The following ADAM10 variants were observed in gnomAD, a reference collection of about 807,000 sequenced individuals.
ADAM10 encodes the protein ADAM metallopeptidase domain 10, also known as disintegrin and metalloproteinase domain-containing protein 10.
ADAM10 carries 17 observed loss-of-function variants against 90.1 expected under a neutral mutation model. That is an observed-to-expected ratio of 0.19 (90% CI 0.13 to 0.28). The LOEUF is 0.28. Among genes scored for constraint, ADAM10 ranks in the 10% least tolerant of loss-of-function variants. The pLI is 1.00. For synonymous variants in ADAM10, 310 were observed against 298.6 expected (o/e 1.04, Z -0.40); for missense variants, 610 against 914.3 (o/e 0.67, Z 4.29).
In ADAM10 at chr15:58,749,604, A is replaced by G. The variant is rs1595678813; in HGVS notation, c.-70T>C. The G allele has an allele frequency of 5.8e-6, 9 of 1,547,064 alleles. No individual in the cohort carries two copies. Among genetic ancestry groups the G allele is most frequent in the African/African-American group, 1.4e-5 (1 of 72,836 alleles). ...AGCAGCACATCGATCCGGAGGGAGAAGCTGAAGGGGCTTGGTCCGGAGCCT... is the reference window on the plus strand; with the variant it reads ...AGCAGCACATCGATCCGGAGGGAGAGGCTGAAGGGGCTTGGTCCGGAGCCT... On this transcript the variant is annotated 5_prime_UTR_variant, in exon 1 of 16. Coordinates refer to ENST00000260408, the MANE Select transcript of ADAM10 (RefSeq NM_001110.4).
chr15:58,624,272 G>A (rs570697283), intron 10 of ADAM10, among the ~76,000 whole-genome samples: 4 of 151,674 alleles, frequency 2.6e-5, no homozygotes, highest in African/African-American at 4.8e-5. Flanking sequence ...GTGACAGAGC[G>A]AGACTCTGTC....
intron 14 of ADAM10, among the ~76,000 whole-genome samples, chr15:58,608,909 A>C (rs191616687): frequency 6.6e-6 from 1 of 152,312 alleles, no homozygotes; most frequent in East Asian, 1.9e-4. Flanking sequence ...ATATATACTC[A>C]GTAGAATGTA....
intron 14 of ADAM10, among the ~76,000 whole-genome samples, chr15:58,603,327 G>A (rs1233940941): frequency 6.6e-6 from 1 of 152,168 alleles, no homozygotes; most frequent in Non-Finnish European, 1.5e-5. Context: ...GAGTAATGCA[G>A]AAAGTTTAGC....
rs1241026310 is a variant in ADAM10, at chr15:58,640,778, T to C, written c.1011A>G (p.Ser337=). 1.9e-6 allele frequency: 3 copies of C among 1,613,892 alleles called. No homozygotes were observed. The highest frequency in any genetic ancestry group is 2.2e-5 in the South Asian group (2 of 91,054). Residue 337 remains serine, a splice_region_variant and synonymous_variant, in exon 8 of 16, where the codon TCA becomes TCG. Transcript: ENST00000260408. ...VLGLAWVGAP[S]GSSGGICEKS... is the part of the protein sequence containing the mutation. ...GACATATTTAATATGATAAACTACC[T>C]GAAGGTGCTCCAACCCAAGCCAGAC... is the stretch of plus-strand genomic sequence containing the variant.
At chr15:58,693,871 A>T (rs1162036494) in intron 2 of ADAM10, among the ~76,000 whole-genome samples, 1 of 152,164 alleles carries the variant, frequency 6.6e-6, no homozygotes, top group Non-Finnish European at 1.5e-5. Context: ...CTTACAAATC[A>T]ATAATAAGAC....
intron 8 of ADAM10, among the ~76,000 whole-genome samples, chr15:58,638,484 G>A (rs762149399): frequency 1.3e-5 from 2 of 151,640 alleles, no homozygotes; most frequent in African/African-American, 2.4e-5. Flanking sequence ...GCATGGTGGC[G>A]GGCGCCTGTA....
chr15:58,648,004 T>A (rs1421342347), intron 5 of ADAM10, among the ~76,000 whole-genome samples: 4 of 152,210 alleles, frequency 2.6e-5, no homozygotes, highest in Admixed American at 1.3e-4. Flanking sequence ...TTCCTTGACA[T>A]TTCCTTCTCC....
intron 5 of ADAM10, among the ~76,000 whole-genome samples, chr15:58,658,904 T>A (rs572064363): frequency 1.3e-5 from 2 of 152,316 alleles, no homozygotes; most frequent in Admixed American, 1.3e-4. Flanking sequence ...ACTTCCTTTA[T>A]AATCTGTATG....
At chr15:58,631,354 T>C (rs1401644442) in intron 9 of ADAM10, among the ~76,000 whole-genome samples, 1 of 152,158 alleles carries the variant, frequency 6.6e-6, no homozygotes, top group Non-Finnish European at 1.5e-5. Context: ...TTGAGCGTGG[T>C]AGGCAAAGAG....
chr15:58,596,200 T>C lies in ADAM10; in HGVS notation c.*1347A>G, dbSNP rs1894947287. 1 of 152,170 alleles carries C rather than the reference T, an allele frequency of 6.6e-6. No homozygotes were observed. Among genetic ancestry groups the C allele is most frequent in the Non-Finnish European group, 1.5e-5 (1 of 68,002 alleles). The allele number at this position is 152,170 out of a possible 1,614,324, so 9.4% of individuals were successfully genotyped here. On this transcript the variant is annotated 3_prime_UTR_variant, in exon 16 of 16. Transcript: ENST00000260408. ...ATAGCTTTACTTCTAGTTGAAGTGA[T>C]GTAGTTGGAAAACAGAAGCAATAAA...
chr15:58,691,917 C>G (rs894205891), intron 2 of ADAM10, among the ~76,000 whole-genome samples: 8 of 152,062 alleles, frequency 5.3e-5, no homozygotes, highest in African/African-American at 1.9e-4. Context: ...CTCAGGTGAT[C>G]TGCCCGCCTC....
chr15:58,722,408 A>T (rs1595656470), intron 1 of ADAM10, among the ~76,000 whole-genome samples: 1 of 151,858 alleles, frequency 6.6e-6, no homozygotes, highest in African/African-American at 2.4e-5. Context: ...GAATGATGGC[A>T]TGCACCTGTA....
At chr15:58,602,238 AG>A (rs1389882736) in intron 14 of ADAM10, among the ~76,000 whole-genome samples, 1 of 152,164 alleles carries the variant, frequency 6.6e-6, no homozygotes, top group Non-Finnish European at 1.5e-5. Context: ...TGGCCCAACA[AG>A]AAGTTCCAGA....
chr15:58,721,563 C>T (rs1898854672), intron 1 of ADAM10, among the ~76,000 whole-genome samples: 1 of 152,126 alleles, frequency 6.6e-6, no homozygotes, highest in South Asian at 2.1e-4. Flanking sequence ...TCTGCCCCCA[C>T]CCCACACACA....
Position 58,592,773 on chromosome 15 carries a change from T to TATATA in ADAM10, c.*4773_*4774insTATAT, listed in dbSNP as rs1566960053. 8 of 146,078 alleles carry TATATA rather than the reference T, an allele frequency of 5.5e-5. No individual in the cohort carries two copies. The highest frequency in any genetic ancestry group is 7.6e-5 in the African/African-American group (3 of 39,672). The allele number at this position is 146,078 out of a possible 1,614,324, so 9.0% of individuals were successfully genotyped here. On this transcript the variant is annotated 3_prime_UTR_variant, in exon 16 of 16. Transcript: ENST00000260408. ...ATTTAATATATATATATATATATAT[T>TATATA]AAATCGTGGTAGTATAACTTGGTAC... is the stretch of plus-strand genomic sequence containing the variant.
At chr15:58,719,671 T>C (rs1898777225) in intron 1 of ADAM10, among the ~76,000 whole-genome samples, 1 of 152,222 alleles carries the variant, frequency 6.6e-6, no homozygotes, top group Non-Finnish European at 1.5e-5. Context: ...CTGAAGTGTA[T>C]ACTTAGAAGT....
intron 10 of ADAM10, among the ~76,000 whole-genome samples, chr15:58,623,380 C>T (rs988883572): frequency 6.6e-6 from 1 of 152,168 alleles, no homozygotes; most frequent in African/African-American, 2.4e-5. Flanking sequence ...TGTGGAGGCA[C>T]CTGCTCTCCA....
At chr15:58,647,645 C>T (rs1161054218) in intron 5 of ADAM10, among the ~76,000 whole-genome samples, 1 of 152,060 alleles carries the variant, frequency 6.6e-6, no homozygotes, top group African/African-American at 2.4e-5. Context: ...AACTCCTGGG[C>T]TCAAACAATC....
chr15:58,655,696 GTATATATATATATAGTA>G lies in ADAM10; in HGVS notation c.585+9384_585+9400del, dbSNP rs1380651105. On this transcript the variant is annotated intron_variant, in intron 5 of 15. Coordinates refer to ENST00000260408, the MANE Select transcript of ADAM10 (RefSeq NM_001110.4). ...TACATACATATATATATTATATATA[GTATATATATATATAGTA>G]TATATATATATATATATATATATAT... Among the ~76,000 whole-genome samples, 30 of 68,258 alleles carry G rather than the reference GTATATATATATATAGTA, an allele frequency of 4.4e-4. 1 individual carries two copies. Among genetic ancestry groups the G allele is most frequent in the Non-Finnish European group, 4.8e-4 (20 of 41,968 alleles). The allele number at this position is 68,258 out of a possible 152,430, so 44.8% of individuals were successfully genotyped here. A position where few individuals can be genotyped will look rare whatever the true frequency, so the allele number is the denominator to read the frequency against.
Sources: gnomAD v4.1 joint callset for allele counts (sites outside exome capture counted in the v4.1 genomes callset) on GRCh38, gnomAD v4.1.1 for gene constraint, MANE v1.5 for transcripts, NCBI Gene and HGNC (gene_info 2026-07-23, HGNC 2026-07-21) for gene names.